The following CCSER1 variants were observed in gnomAD, a reference collection of about 807,000 sequenced individuals.
The protein encoded by CCSER1 is serine-rich coiled-coil domain-containing protein 1.
CCSER1 carries 41 observed loss-of-function variants against 82.0 expected under a neutral mutation model. The ratio of observed to expected loss-of-function variants is 0.50; its 90% CI spans 0.39 to 0.65. CCSER1 has a LOEUF of 0.65. CCSER1 is among the 30% of genes least tolerant of loss of function. The pLI, the probability that CCSER1 is intolerant of heterozygous loss-of-function variation, is 0.00. For missense variants in CCSER1, 1,119 were observed against 1,064.2 expected, an observed-to-expected ratio of 1.05 and a Z score of -0.72; for synonymous variants, 414 against 383.9, an observed-to-expected ratio of 1.08 and a Z score of -0.92.
rs201479734 is a variant in CCSER1, at chr4:90,831,674, AT to A, written c.2094+15831del. On this transcript the variant is annotated intron_variant, in intron 8 of 10. Transcript: ENST00000509176. ...TTGAAACTTTACGAACATGACTGTT[AT>A]TATCTCAACAACTAATGTTGCTTAA... Among the ~76,000 whole-genome samples, 883 of 152,302 alleles carry A rather than the reference AT, an allele frequency of 5.8e-3. 13 individuals are homozygous for A. The highest frequency in any genetic ancestry group is 0.02 in the African/African-American group (844 of 41,582).
At chr4:90,504,925 T>C (rs1290900347) in intron 5 of CCSER1, among the ~76,000 whole-genome samples, 1 of 152,082 alleles carries the variant, frequency 6.6e-6, no homozygotes, top group Non-Finnish European at 1.5e-5. Flanking sequence ...CAAGGGTCCC[T>C]GCACCAAATG....
chr4:90,790,154 T>C (rs924828862), intron 7 of CCSER1, among the ~76,000 whole-genome samples: 6 of 152,192 alleles, frequency 3.9e-5, no homozygotes, highest in Non-Finnish European at 5.9e-5. Context: ...GTGTGAATTA[T>C]TAAAATAACC....
At chr4:90,867,548 A>G (rs1056247597) in intron 8 of CCSER1, among the ~76,000 whole-genome samples, 2 of 151,958 alleles carry the variant, frequency 1.3e-5, no homozygotes, top group Admixed American at 6.6e-5. Context: ...AGACATTCCA[A>G]TTATATTCTT....
At chr4:91,468,453 G>A (rs941475547) in intron 10 of CCSER1, among the ~76,000 whole-genome samples, 2 of 151,640 alleles carry the variant, frequency 1.3e-5, no homozygotes, top group African/African-American at 4.9e-5. Flanking sequence ...GTATACATAT[G>A]TAATAAGCCT....
chr4:90,611,647 T>C (rs2148824701), intron 5 of CCSER1, among the ~76,000 whole-genome samples: 1 of 151,026 alleles, frequency 6.6e-6, no homozygotes, highest in South Asian at 2.1e-4. Context: ...TAAGGATATT[T>C]CTATAATACC....
In CCSER1 at chr4:91,339,713, CT is replaced by C. The variant is rs544931702; in HGVS notation, c.2217+253720del. Among the ~76,000 whole-genome samples, 32 of 152,266 alleles carry C rather than the reference CT, an allele frequency of 2.1e-4. No individual in the cohort carries two copies. In the East Asian group the frequency reaches 4.6e-3, roughly 22 times the overall value. Reference sequence around the variant, plus strand: ...TGGTAGGGAAGATACAGCTCTCCCCCTCTTCTCTGTAGGGGATACATTCCAA... The same window carrying C: ...TGGTAGGGAAGATACAGCTCTCCCCCCTTCTCTGTAGGGGATACATTCCAA... On this transcript the variant is annotated intron_variant, in intron 10 of 10. Transcript: ENST00000509176.
intron 10 of CCSER1, among the ~76,000 whole-genome samples, chr4:91,543,847 T>A (rs1241241654): frequency 1.3e-5 from 2 of 152,160 alleles, no homozygotes; most frequent in African/African-American, 4.8e-5. Flanking sequence ...AATGTTGGCC[T>A]ACCTTGCTTG....
chr4:90,832,433 C>T (rs189189475), intron 8 of CCSER1, among the ~76,000 whole-genome samples: 27 of 152,108 alleles, frequency 1.8e-4, no homozygotes, highest in Non-Finnish European at 3.2e-4. Flanking sequence ...AAAGTGTCTA[C>T]TTCTTAAAAA....
rs1755406166 is a variant in CCSER1 at position 91,444,275 on chromosome 4, T to G, written c.2218-154297T>G. ...GCCACTTAGAACAAGGAGCATAAGC[T>G]AAATTATTTAATTGTCCAGTAGAGC... On this transcript the variant is annotated intron_variant, in intron 10 of 10. Coordinates refer to ENST00000509176, the MANE Select transcript of CCSER1 (RefSeq NM_001145065.2). Among the ~76,000 whole-genome samples the G allele has an allele frequency of 2.6e-5, 4 of 152,174 alleles. No individual in the cohort carries two copies. The South Asian group carries it at 8.3e-4, about 31-fold the overall frequency.
At chr4:91,441,623 C>A (rs1398992202) in intron 10 of CCSER1, among the ~76,000 whole-genome samples, 6 of 152,110 alleles carry the variant, frequency 3.9e-5, no homozygotes, top group Non-Finnish European at 5.9e-5. Context: ...CTGGTCAGGG[C>A]AGTTAGGCAG....
At chr4:90,324,323 C>T (rs1167343743) in intron 3 of CCSER1, among the ~76,000 whole-genome samples, 2 of 150,794 alleles carry the variant, frequency 1.3e-5, no homozygotes, top group African/African-American at 4.9e-5. Flanking sequence ...ACATCCTCTC[C>T]AGCACCTGTT....
At chr4:90,987,978 G>A (rs914016282) in intron 9 of CCSER1, among the ~76,000 whole-genome samples, 4 of 151,570 alleles carry the variant, frequency 2.6e-5, no homozygotes, top group African/African-American at 9.7e-5. Flanking sequence ...AGGATATGCT[G>A]CATAAAGTCA....
At chr4:90,162,098 G>A (rs1001041569) in intron 1 of CCSER1, among the ~76,000 whole-genome samples, 3 of 152,002 alleles carry the variant, frequency 2.0e-5, no homozygotes, top group African/African-American at 7.2e-5. Flanking sequence ...GGGATAAGTT[G>A]GTGAAAGGTT....
intron 10 of CCSER1, among the ~76,000 whole-genome samples, chr4:91,196,008 G>A (rs1735380400): frequency 6.6e-6 from 1 of 152,054 alleles, no homozygotes; most frequent in Non-Finnish European, 1.5e-5. Context: ...GTGACACGGT[G>A]AAACCCCGTC....
At chr4:90,291,084 T>A (rs915253508) in intron 1 of CCSER1, among the ~76,000 whole-genome samples, 2 of 134,498 alleles carry the variant, frequency 1.5e-5, no homozygotes, top group Non-Finnish European at 3.0e-5. Flanking sequence ...AATAAAACAA[T>A]ATTCAATTAC....
chr4:91,514,309 A>G (rs1420488795), intron 10 of CCSER1, among the ~76,000 whole-genome samples: 4 of 152,272 alleles, frequency 2.6e-5, no homozygotes, highest in Middle Eastern at 3.4e-3. Flanking sequence ...ATTCCGCTGC[A>G]ATCCCAGAAT....
chr4:91,145,668 C>T (rs1350196905), intron 10 of CCSER1, among the ~76,000 whole-genome samples: 3 of 152,090 alleles, frequency 2.0e-5, no homozygotes, highest in African/African-American at 7.2e-5. Context: ...TCTCTTATTG[C>T]TTGCATGCCT....
rs1232353163 is a variant in CCSER1, at chr4:90,309,144, T to G, written c.860T>G (p.Phe287Cys). The change falls in exon 2 of 11, where the codon TTT becomes TGT. Residue 287 changes from phenylalanine (F) to cysteine (C), a missense_variant. Coordinates refer to ENST00000509176, the MANE Select transcript of CCSER1 (RefSeq NM_001145065.2). The stretch of plus-strand genomic sequence containing the variant: ...AGCATGGCATCCCACTGTGACAACT[T>G]TGGCCACAATGATTCTACCTCTCAG... Reference protein sequence around the residue: ...SGSMASHCDNFGHNDSTSQMS... With the variant: ...SGSMASHCDNCGHNDSTSQMS... The G allele has an allele frequency of 6.2e-7, 1 of 1,613,916 alleles. No homozygotes were observed. The highest frequency in any genetic ancestry group is 1.7e-5 in the Admixed American group (1 of 60,000).
intron 10 of CCSER1, among the ~76,000 whole-genome samples, chr4:91,438,997 A>G (rs1457473529): frequency 6.6e-6 from 1 of 152,228 alleles, no homozygotes; most frequent in Non-Finnish European, 1.5e-5. Context: ...GACCAAACCT[A>G]TGTCTCATTG....
Sources: allele counts gnomAD v4.1 joint callset (sites outside exome capture counted in the v4.1 genomes callset), GRCh38; gene constraint gnomAD v4.1.1; transcripts MANE v1.5; gene names NCBI Gene and HGNC (gene_info 2026-07-23, HGNC 2026-07-21).